COL27A1: variants seen among roughly 807,000 people sequenced by gnomAD.
COL27A1 encodes the protein collagen alpha-1(XXVII) chain.
COL27A1 carries 106 observed loss-of-function variants against 251.3 expected under a neutral mutation model. The observed-to-expected ratio is 0.42, with a 90% confidence interval of 0.36 to 0.50. The LOEUF (loss-of-function observed/expected upper bound fraction) is 0.50, where lower values mean the gene tolerates loss of function less well. Among genes scored for constraint, COL27A1 ranks in the 20% least tolerant of loss-of-function variants. The pLI is 0.00. For synonymous variants in COL27A1, 1,000 were observed against 986.3 expected, an observed-to-expected ratio of 1.01 and a Z score of -0.26; for missense variants, 2,325 against 2,522.8, an observed-to-expected ratio of 0.92 and a Z score of 1.68.
At chr9:114,275,836 C>T (rs1235199570) in intron 37 of COL27A1, 68 bp downstream of exon 37, 19 of 1,054,250 alleles carry the variant, frequency 1.8e-5, no homozygotes, top group Admixed American at 5.3e-5. Context: ...CCTGTGCAGG[C>T]GGCTGGGCGG....
At chr9:114,306,152 A>G (rs1192638626) in intron 57 of COL27A1, 2 of 181,826 alleles carry the variant, frequency 1.1e-5, no homozygotes, top group African/African-American at 4.8e-5. Context: ...GTGACCCCCA[A>G]GTCAGCTCCC....
At chr9:114,269,383 G>A in intron 35 of COL27A1, 89 bp downstream of exon 35, 1 of 887,768 alleles carries the variant, frequency 1.1e-6, no homozygotes, top group South Asian at 1.7e-5. Flanking sequence ...ATCTCCCTAA[G>A]CCTCAGTTTC....
Position 114,186,643 on chromosome 9 carries a change from G to T in COL27A1, c.2016+3568G>T, listed in dbSNP as rs77579776. 1.2e-3 allele frequency among the ~76,000 whole-genome samples: 183 copies of T among 152,334 alleles called. 5 individuals carry two copies. In the East Asian group the frequency reaches 0.032, roughly 27 times the overall value. On this transcript the variant is annotated intron_variant, in intron 5 of 60. Coordinates refer to ENST00000356083, the MANE Select transcript of COL27A1 (RefSeq NM_032888.4). ...ACGACTAGGCAAAGGGGCTGGAGGAGGCTGGTGAGGGCAACAGGCCTGGTA... is the reference window on the plus strand; with the variant it reads ...ACGACTAGGCAAAGGGGCTGGAGGATGCTGGTGAGGGCAACAGGCCTGGTA...
chr9:114,225,586 A>T (rs923257532), intron 14 of COL27A1, among the ~76,000 whole-genome samples: 1 of 152,220 alleles, frequency 6.6e-6, no homozygotes, highest in Non-Finnish European at 1.5e-5. Flanking sequence ...CTGTCTCCCC[A>T]AAGAGCTGGA....
chr9:114,282,357 G>C, intron 38 of COL27A1, 27 bp downstream of exon 38: 1 of 1,613,698 alleles, frequency 6.2e-7, no homozygotes, highest in Non-Finnish European at 8.5e-7. Flanking sequence ...GACTTGATAG[G>C]CCTGCGTCCC....
intron 3 of COL27A1, among the ~76,000 whole-genome samples, chr9:114,173,887 A>G (rs562780138): frequency 4.6e-5 from 7 of 152,060 alleles, no homozygotes; most frequent in African/African-American, 1.7e-4. Context: ...ACCTGGGGTT[A>G]GTCGGTGGAG....
At chr9:114,161,550 G>A (rs571516714) in intron 1 of COL27A1, among the ~76,000 whole-genome samples, 1 of 152,152 alleles carries the variant, frequency 6.6e-6, no homozygotes, top group South Asian at 2.1e-4. Flanking sequence ...ATCAACCCTG[G>A]CAGACAGGTT....
chr9:114,166,437 A>G (rs1159510688), intron 2 of COL27A1, among the ~76,000 whole-genome samples: 3 of 130,340 alleles, frequency 2.3e-5, no homozygotes, highest in Admixed American at 7.9e-5. Context: ...CCATCCATCC[A>G]TTCATCTATC....
At chr9:114,159,519 T>C (rs1848351959) in intron 1 of COL27A1, among the ~76,000 whole-genome samples, 1 of 152,104 alleles carries the variant, frequency 6.6e-6, no homozygotes. Context: ...ATAAATGGGA[T>C]CGCAGGAACA....
chr9:114,242,030 T>C (rs1283180191), intron 21 of COL27A1, among the ~76,000 whole-genome samples, 157 bp from the exon 22 acceptor site: 1 of 152,232 alleles, frequency 6.6e-6, no homozygotes, highest in African/African-American at 2.4e-5. Context: ...GCCTCTGCCC[T>C]GGGTGGGGCC....
intron 12 of COL27A1, among the ~76,000 whole-genome samples, chr9:114,211,552 A>G (rs949599478): frequency 6.6e-5 from 10 of 152,210 alleles, no homozygotes; most frequent in South Asian, 2.1e-4. Context: ...AGCTTTCTCT[A>G]TGGCTCCCCA....
rs754728770 is a variant in COL27A1, at chr9:114,288,486, G to A, written c.4019G>A (p.Gly1340Glu). The change falls in exon 42 of 61, where the codon GGG (glycine) becomes GAG (glutamate). Residue 1340 changes from glycine to glutamate, a missense_variant. Around this residue, in one of 4 missense-constraint regions of COL27A1, gnomAD observed 662 missense variants for 795.3 expected, o/e 0.83. Transcript: ENST00000356083. ...GEQGEDGKAE[G>E]PPGPPGDRGP... ...CAGGGCGAGGACGGCAAGGCTGAGG[G>A]GCCCCCTGGGCCACCTGGAGATCGG... 2 of 1,608,638 alleles carry A rather than the reference G, an allele frequency of 1.2e-6. No homozygotes were observed. The highest frequency in any genetic ancestry group is 2.2e-5 in the South Asian group (2 of 89,386).
chr9:114,267,656 G>A (rs1176735318), intron 34 of COL27A1, 99 bp downstream of exon 34: 1 of 1,155,732 alleles, frequency 8.7e-7, no homozygotes, highest in East Asian at 2.7e-5. Context: ...CTTTCTTGTG[G>A]CTGGGATAAT....
rs5900077 is a variant in COL27A1 at position 114,227,311 on chromosome 9, G to GTTT, written c.2467-3753_2467-3751dup. 3.8e-3 allele frequency among the ~76,000 whole-genome samples: 491 copies of GTTT among 128,898 alleles called. 10 individuals are homozygous for GTTT. Among genetic ancestry groups the GTTT allele is most frequent in the African/African-American group, 0.012 (414 of 33,886 alleles). 84.6% of individuals were successfully genotyped at this position (128,898 alleles called of 152,430 possible). The stretch of plus-strand genomic sequence containing the variant: ...AGCAATAGGAAAGGCAACCTTGAGT[G>GTTT]TTTTTTTTTTTTTTTTTGGTCAACA... On this transcript the variant is annotated intron_variant, in intron 14 of 60. Transcript: ENST00000356083.
intron 50 of COL27A1, 95 bp from the exon 51 acceptor site, chr9:114,300,530 G>A (rs1828544229): frequency 2.0e-6 from 2 of 990,680 alleles, no homozygotes; most frequent in Admixed American, 2.9e-5. Context: ...TGACAAGAAG[G>A]GCAAAGGTTG....
rs202022870 is a variant in COL27A1, at chr9:114,310,673, T to C, written c.5561T>C (p.Val1854Ala). ...TCAGGGAAGCAGTACCGCCTGGAAG[T>C]TGGACCTGCGTGCTTCCTCTGACCT... ...ASSGKQYRLE[V>A]GPACFL Residue 1854 changes from valine to alanine, a missense_variant, in exon 61 of 61, where the codon GTT becomes GCT. Val to Ala is a moderately conservative substitution (Grantham distance 64). Around this residue, in one of 4 missense-constraint regions of COL27A1, gnomAD observed 327 missense variants for 442.8 expected, o/e 0.74. Transcript: ENST00000356083. 1.2e-6 allele frequency: 2 copies of C among 1,614,122 alleles called. No individual in the cohort carries two copies. Among genetic ancestry groups the C allele is most frequent in the East Asian group, 2.2e-5 (1 of 44,876 alleles).
rs749589243 is a variant in COL27A1 at position 114,168,659 on chromosome 9, C to G, written c.1104C>G (p.Leu368=). Residue 368 remains leucine (L), a synonymous_variant, in exon 3 of 61, where the codon CTC becomes CTG. Coordinates refer to ENST00000356083, the MANE Select transcript of COL27A1 (RefSeq NM_032888.4). ...CAGCCACCAAAATCCCCAAAAGCCT[C>G]CCTACCAAGCCTTCGGCCCCTTCTA... ...KITATKIPKS[L]PTKPSAPSTS... 1 of 1,614,148 alleles carries G rather than the reference C, an allele frequency of 6.2e-7. No individual in the cohort carries two copies. The highest frequency in any genetic ancestry group is 1.7e-5 in the Admixed American group (1 of 60,030).
intron 28 of COL27A1, among the ~76,000 whole-genome samples, 166 bp from the exon 29 acceptor site, chr9:114,264,189 C>T (rs1002116862): frequency 8.5e-5 from 13 of 152,202 alleles, no homozygotes; most frequent in African/African-American, 3.1e-4. Context: ...GAAGGCGCTG[C>T]ACGAGGGTGA....
rs1463910086 is a variant in COL27A1 at position 114,245,780 on chromosome 9, C to G, written c.2935-86C>G. 6 of 1,298,832 alleles carry G rather than the reference C, an allele frequency of 4.6e-6. No individual in the cohort carries two copies. In the East Asian group the frequency reaches 1.2e-4, roughly 25 times the overall value. 80.5% of individuals were successfully genotyped at this position (1,298,832 alleles called of 1,614,324 possible). On this transcript the variant is annotated intron_variant, in intron 23 of 60. Transcript: ENST00000356083. ...CCTGGTTCATCCCCACTAATGGCAG[C>G]TAAGGCCAGCAGGCCTGGGACTTCC... is the stretch of plus-strand genomic sequence containing the variant.
Sources: gnomAD v4.1 joint callset for allele counts (sites outside exome capture counted in the v4.1 genomes callset) on GRCh38, gnomAD v4.1.1 for gene constraint, gnomAD v4.1.1 regional missense constraint, MANE v1.5 for transcripts, NCBI Gene and HGNC (gene_info 2026-07-23, HGNC 2026-07-21) for gene names.